The following KCNC1 variants were observed in gnomAD, a reference collection of about 807,000 sequenced individuals.
The protein encoded by KCNC1 is voltage-gated potassium channel KCNC1.
A neutral mutation model predicts 43.4 loss-of-function variants in KCNC1; 8 were observed. The ratio of observed to expected loss-of-function variants is 0.18; its 90% CI spans 0.11 to 0.33. KCNC1 has a LOEUF of 0.33. Among genes scored for constraint, KCNC1 ranks in the 10% least tolerant of loss-of-function variants. The pLI is 1.00. For missense variants in KCNC1, 420 were observed against 836.0 expected (o/e 0.50, Z 6.14); for synonymous variants, 361 against 360.5 (o/e 1.00, Z -0.01).
At chr11:17,774,884 C>CTCAT in intron 2 of KCNC1, 2 of 985,480 alleles carry the variant, frequency 2.0e-6, no homozygotes, top group South Asian at 9.4e-5. Context: ...AGGCTCCAGC[C>CTCAT]TCATCCCTCA....
chr11:17,744,821 T>C (rs995472364), intron 1 of KCNC1, among the ~76,000 whole-genome samples: 7 of 152,032 alleles, frequency 4.6e-5, no homozygotes, highest in Admixed American at 2.0e-4. Flanking sequence ...CTCCCACCCA[T>C]GCCTGACCCT....
In KCNC1 at chr11:17,735,742, C is replaced by A; in HGVS notation, c.-261C>A. 1 of 338,094 alleles carries A rather than the reference C, an allele frequency of 3.0e-6. No homozygotes were observed. Among genetic ancestry groups the A allele is most frequent in the Non-Finnish European group, 5.3e-6 (1 of 188,304 alleles). The allele number at this position is 338,094 out of a possible 1,614,324, so 20.9% of individuals were successfully genotyped here. A position where few individuals can be genotyped will look rare whatever the true frequency, so the allele number is the denominator to read the frequency against. ...CTTCTTTCCTCCTCTGCCTCCTCCG[C>A]TGCCGGACCAGCTCCCTCCCACATC... On this transcript the variant is annotated 5_prime_UTR_variant, in exon 1 of 4. In the 5' UTR this introduces an upstream ATG that the reference lacks. Coordinates refer to ENST00000265969, the MANE Select transcript of KCNC1 (RefSeq NM_001112741.2). This position sits in a 1 kb window ranked among gnomAD's most constrained non-coding sequence, Gnocchi z 6.7.
At chr11:17,762,421 C>T (rs1849088139) in intron 1 of KCNC1, among the ~76,000 whole-genome samples, 1 of 152,314 alleles carries the variant, frequency 6.6e-6, no homozygotes, top group Non-Finnish European at 1.5e-5. Context: ...CTGAACACTT[C>T]CTTCTTGCTC....
chr11:17,770,693 G>T (rs1283372117), intron 1 of KCNC1, among the ~76,000 whole-genome samples: 1 of 152,200 alleles, frequency 6.6e-6, no homozygotes, highest in Non-Finnish European at 1.5e-5. Flanking sequence ...CAGAGCAGGT[G>T]GTTCTGGACA....
intron 1 of KCNC1, among the ~76,000 whole-genome samples, chr11:17,740,976 G>A (rs1157182611): frequency 6.6e-6 from 1 of 152,150 alleles, no homozygotes; most frequent in African/African-American, 2.4e-5. Flanking sequence ...GGAGGGCTGG[G>A]GGACAGAGCT....
In KCNC1 at chr11:17,773,321, C is replaced by T. The variant is rs1166664832; in HGVS notation, c.1504+723C>T. 1.0e-5 allele frequency: 10 copies of T among 985,320 alleles called. No homozygotes were observed. The highest frequency in any genetic ancestry group is 1.1e-5 in the Non-Finnish European group (9 of 829,960). The allele number at this position is 985,320 out of a possible 1,614,324, so 61.0% of individuals were successfully genotyped here. On this transcript the variant is annotated intron_variant, in intron 2 of 3. Coordinates refer to ENST00000265969, the MANE Select transcript of KCNC1 (RefSeq NM_001112741.2). This position sits in a 1 kb window ranked among gnomAD's most constrained non-coding sequence, Gnocchi z 4.1. ...TAGGAACCTGTTGAAGTGACTCTAG[C>T]TTTCACGTTGTCTGTTTGGGTTGAT...
intron 1 of KCNC1, among the ~76,000 whole-genome samples, chr11:17,750,851 C>T (rs546568456): frequency 6.6e-6 from 1 of 152,316 alleles, no homozygotes; most frequent in African/African-American, 2.4e-5. Context: ...AGAGCCTGCT[C>T]TGCCCTTCAT....
rs569765461 is a variant in KCNC1 at position 17,778,839 on chromosome 11, G to C, written c.1505-617G>C. Among the ~76,000 whole-genome samples the C allele has an allele frequency of 1.6e-3, 246 of 150,716 alleles. 2 individuals carry two copies. The highest frequency in any genetic ancestry group is 6.8e-3 in the Middle Eastern group (2 of 294). On this transcript the variant is annotated intron_variant, in intron 2 of 3. Transcript: ENST00000265969. ...CTTGGGTCTTTATGAGGTTGGGGTC[G>C]GGGGGGTACGGGCGCAGGCTGAGTG...
At chr11:17,759,336 T>C (rs539457974) in intron 1 of KCNC1, among the ~76,000 whole-genome samples, 156 of 152,384 alleles carry the variant, frequency 1.0e-3, no homozygotes, top group African/African-American at 3.7e-3. Context: ...TTTCATCTTC[T>C]ATCCAGAACA....
chr11:17,771,464 G>A lies in KCNC1; in HGVS notation c.571-201G>A, dbSNP rs1590106263. 6.6e-6 allele frequency among the ~76,000 whole-genome samples: 1 copy of A among 152,184 alleles called. No individual in the cohort carries two copies. Among genetic ancestry groups the A allele is most frequent in the Non-Finnish European group, 1.5e-5 (1 of 68,028 alleles). On this transcript the variant is annotated intron_variant, in intron 1 of 3. Transcript: ENST00000265969. This position sits in a 1 kb window ranked among gnomAD's most constrained non-coding sequence, Gnocchi z 4.7. ...GCAATAGGGGGAAGAAGACAGCATG[G>A]AAGGCGGAGTAGGAGGGTTTTAGAG...
intron 2 of KCNC1, chr11:17,774,665 G>T (rs892048609): frequency 2.0e-6 from 2 of 985,512 alleles, no homozygotes; most frequent in Non-Finnish European, 2.4e-6. Context: ...GAGCCACTTT[G>T]CCCTGGTCCC....
At chr11:17,764,535 C>A (rs1849126376) in intron 1 of KCNC1, among the ~76,000 whole-genome samples, 1 of 152,188 alleles carries the variant, frequency 6.6e-6, no homozygotes, top group African/African-American at 2.4e-5. Context: ...AACACTCCCC[C>A]CAGTGCAGAC....
At chr11:17,738,185 T>C (rs1848792350) in intron 1 of KCNC1, among the ~76,000 whole-genome samples, 1 of 152,186 alleles carries the variant, frequency 6.6e-6, no homozygotes, top group Non-Finnish European at 1.5e-5. Context: ...TGGGACCCTA[T>C]CCTCCCCTGG....
rs889871010 is a variant in KCNC1, at chr11:17,739,603, G to A, written c.570+3031G>A. Among the ~76,000 whole-genome samples, 2 of 151,508 alleles carry A rather than the reference G, an allele frequency of 1.3e-5. No individual in the cohort carries two copies. The highest frequency in any genetic ancestry group is 4.9e-5 in the African/African-American group (2 of 41,116). On this transcript the variant is annotated intron_variant, in intron 1 of 3. Coordinates refer to ENST00000265969, the MANE Select transcript of KCNC1 (RefSeq NM_001112741.2). This position sits in a 1 kb window ranked among gnomAD's most constrained non-coding sequence, Gnocchi z 4.2. ...GGAGAGTGCGTGAGAGTCGAGGTGAGTGTGTCTGCGTGAGTGTGTGGCTGT... is the reference window on the plus strand; with the variant it reads ...GGAGAGTGCGTGAGAGTCGAGGTGAATGTGTCTGCGTGAGTGTGTGGCTGT...
Position 17,777,882 on chromosome 11 carries a change from C to A in KCNC1, c.1505-1574C>A. The A allele has an allele frequency of 1.0e-6, 1 of 984,736 alleles. No individual in the cohort carries two copies. 61.0% of individuals were successfully genotyped at this position (984,736 alleles called of 1,614,324 possible). A position where few individuals can be genotyped will look rare whatever the true frequency, so the allele number is the denominator to read the frequency against. On this transcript the variant is annotated intron_variant, in intron 2 of 3. Transcript: ENST00000265969. The surrounding 1 kb of genome is among the most constrained non-coding windows in gnomAD (Gnocchi z 4.3). ...TGTGTACACGGGCGGTAATCCCACC[C>A]ACGTGCACGCCCAGCGTGTGCACGT... is the stretch of plus-strand genomic sequence containing the variant.
Position 17,777,177 on chromosome 11 carries a change from G to T in KCNC1, c.1505-2279G>T. On this transcript the variant is annotated intron_variant, in intron 2 of 3. Coordinates refer to ENST00000265969, the MANE Select transcript of KCNC1 (RefSeq NM_001112741.2). The surrounding 1 kb of genome is among the most constrained non-coding windows in gnomAD (Gnocchi z 4.3). ...GGCTTGTGGACAGAACCAGTGGGCGGGGGCCCAGCATTCAGAGCCAGAGAA... is the reference window on the plus strand; with the variant it reads ...GGCTTGTGGACAGAACCAGTGGGCGTGGGCCCAGCATTCAGAGCCAGAGAA... The T allele has an allele frequency of 1.0e-6, 1 of 985,582 alleles. No homozygotes were observed. The highest frequency in any genetic ancestry group is 1.2e-6 in the Non-Finnish European group (1 of 829,934). The allele number at this position is 985,582 out of a possible 1,614,324, so 61.1% of individuals were successfully genotyped here.
intron 1 of KCNC1, among the ~76,000 whole-genome samples, chr11:17,755,303 T>C (rs1023996223): frequency 6.6e-6 from 1 of 152,132 alleles, no homozygotes; most frequent in Non-Finnish European, 1.5e-5. Context: ...GAGAAGACCT[T>C]TGCTCCTCCT....
chr11:17,737,718 G>T (rs1848785116), intron 1 of KCNC1, among the ~76,000 whole-genome samples: 1 of 152,146 alleles, frequency 6.6e-6, no homozygotes, highest in African/African-American at 2.4e-5. Context: ...GCAGAGTAGA[G>T]AATTTAAAGC....
chr11:17,753,549 A>T (rs1848991559), intron 1 of KCNC1, among the ~76,000 whole-genome samples: 1 of 152,214 alleles, frequency 6.6e-6, no homozygotes, highest in African/African-American at 2.4e-5. Context: ...AACAATCTTC[A>T]GGATTTGAAG....
Sources: gnomAD v4.1 joint callset for allele counts (sites outside exome capture counted in the v4.1 genomes callset) on GRCh38, gnomAD v4.1.1 for gene constraint, Gnocchi (gnomAD v3.1) non-coding constraint, MANE v1.5 for transcripts, NCBI Gene and HGNC (gene_info 2026-07-23, HGNC 2026-07-21) for gene names.